The following CRYBG1 variants were observed in gnomAD, a reference collection of about 807,000 sequenced individuals.
The protein encoded by CRYBG1 is crystallin beta-gamma domain containing 1.
A neutral mutation model predicts 189.2 loss-of-function variants in CRYBG1; 139 were observed. That is an observed-to-expected ratio of 0.73 (90% CI 0.64 to 0.85). The LOEUF is 0.85. Among genes scored for constraint, CRYBG1 ranks in the 40% least tolerant of loss-of-function variants. CRYBG1 has a pLI of 0.00. For missense variants in CRYBG1, 2,611 were observed against 2,675.8 expected (o/e 0.98, Z 0.53); for synonymous variants, 1,023 against 1,017.1 (o/e 1.01, Z -0.11).
intron 1 of CRYBG1, among the ~76,000 whole-genome samples, chr6:106,393,531 A>G (rs187400706): frequency 5.9e-5 from 9 of 152,256 alleles, no homozygotes; most frequent in Admixed American, 1.3e-4. Flanking sequence ...CAGGGATTGG[A>G]TGGTGCACAG....
At chr6:106,395,023 GTA>G (rs374946382) in intron 1 of CRYBG1, among the ~76,000 whole-genome samples, 4 of 150,434 alleles carry the variant, frequency 2.7e-5, no homozygotes, top group Admixed American at 6.6e-5. Context: ...ACCTGGAAAT[GTA>G]TATATATATA....
At chr6:106,440,414 A>G (rs1250672309) in intron 1 of CRYBG1, among the ~76,000 whole-genome samples, 2 of 151,298 alleles carry the variant, frequency 1.3e-5, no homozygotes, top group Non-Finnish European at 2.9e-5. Flanking sequence ...GTAGGCGCAC[A>G]CCACCATGCC....
intron 1 of CRYBG1, among the ~76,000 whole-genome samples, chr6:106,388,874 A>G (rs2114332835): frequency 6.6e-6 from 1 of 152,312 alleles, no homozygotes; most frequent in African/African-American, 2.4e-5. Flanking sequence ...GCTTTTTACA[A>G]TATTATTTAC....
intron 2 of CRYBG1, among the ~76,000 whole-genome samples, chr6:106,491,967 G>A (rs1386789543): frequency 6.6e-6 from 1 of 152,068 alleles, no homozygotes; most frequent in African/African-American, 2.4e-5. Context: ...CCCTGTGCCT[G>A]GTGTCATTTG....
chr6:106,407,987 C>T (rs1488794160), intron 1 of CRYBG1, among the ~76,000 whole-genome samples: 3 of 151,902 alleles, frequency 2.0e-5, no homozygotes, highest in Non-Finnish European at 4.4e-5. Context: ...GGCAAATAAA[C>T]TCAAAAGCTA....
chr6:106,418,179 G>A (rs1582751344), intron 1 of CRYBG1, among the ~76,000 whole-genome samples: 1 of 152,242 alleles, frequency 6.6e-6, no homozygotes, highest in South Asian at 2.1e-4. Context: ...CTTGAAGACA[G>A]GAAAGTCCCC....
chr6:106,436,614 A>G (rs1186363254), intron 1 of CRYBG1, among the ~76,000 whole-genome samples: 2 of 152,080 alleles, frequency 1.3e-5, no homozygotes, highest in African/African-American at 2.4e-5. Flanking sequence ...CTACTTTTCT[A>G]CTTACCATTA....
intron 1 of CRYBG1, among the ~76,000 whole-genome samples, chr6:106,448,128 C>T (rs1174258636): frequency 3.3e-5 from 5 of 152,142 alleles, no homozygotes; most frequent in Non-Finnish European, 7.4e-5. Flanking sequence ...GTTCTGTTTG[C>T]GAAGCCCACT....
At position 106,556,006 on chromosome 6, in the gene CRYBG1, T is replaced by C. The variant is rs529552729; in HGVS notation, c.5715+109T>C. 79 of 1,251,336 alleles carry C rather than the reference T, an allele frequency of 6.3e-5. No homozygotes were observed. The African/African-American group carries it at 1.1e-3, about 17-fold the overall frequency. 77.5% of individuals were successfully genotyped at this position (1,251,336 alleles called of 1,614,324 possible). ...CCTGCTCTTAAAGTTAGTTAAGGGCTTGGAGATGGAACTGTCCATTTGGCT... is the reference window on the plus strand; with the variant it reads ...CCTGCTCTTAAAGTTAGTTAAGGGCCTGGAGATGGAACTGTCCATTTGGCT... On this transcript the variant is annotated intron_variant, in intron 17 of 21. Transcript: ENST00000633556.
chr6:106,540,909 TTC>T (rs1255772009), intron 9 of CRYBG1, among the ~76,000 whole-genome samples: 1 of 152,192 alleles, frequency 6.6e-6, no homozygotes, highest in Non-Finnish European at 1.5e-5. Context: ...GTAATACCAT[TTC>T]TCTGATTTTA....
intron 1 of CRYBG1, among the ~76,000 whole-genome samples, chr6:106,374,943 CTG>C (rs1410022418): frequency 6.6e-6 from 1 of 151,988 alleles, no homozygotes; most frequent in Non-Finnish European, 1.5e-5. Flanking sequence ...CCTGAAAGTT[CTG>C]TGTTATTTTC....
rs557219070 is a variant in CRYBG1 at position 106,435,910 on chromosome 6, G to GA, written c.174-15778dup. ...AAATCGTGTCTTGGAAACCATCCAAGAAAAAATTAGTGAAGTATTCCAAGA... is the reference window on the plus strand; with the variant it reads ...AAATCGTGTCTTGGAAACCATCCAAGAAAAAAATTAGTGAAGTATTCCAAGA... On this transcript the variant is annotated intron_variant, in intron 1 of 21. Transcript: ENST00000633556. 5.0e-4 allele frequency among the ~76,000 whole-genome samples: 76 copies of GA among 152,176 alleles called. 1 individual carries two copies. The South Asian group carries it at 0.016, about 32-fold the overall frequency.
intron 21 of CRYBG1, among the ~76,000 whole-genome samples, chr6:106,565,038 A>G (rs1394410977): frequency 6.6e-6 from 1 of 152,112 alleles, no homozygotes; most frequent in Admixed American, 6.5e-5. Flanking sequence ...AGGGGTAAAG[A>G]GCCAGGTGCC....
intron 2 of CRYBG1, among the ~76,000 whole-genome samples, chr6:106,474,304 C>T (rs570697719): frequency 3.3e-5 from 5 of 152,232 alleles, no homozygotes; most frequent in Non-Finnish European, 7.4e-5. Flanking sequence ...TGATCATGTG[C>T]TTACACCTCA....
chr6:106,521,206 A>G lies in CRYBG1; in HGVS notation c.3998A>G (p.Tyr1333Cys), dbSNP rs1477459614. 1 of 1,614,228 alleles carries G rather than the reference A, an allele frequency of 6.2e-7. No homozygotes were observed. Among genetic ancestry groups the G allele is most frequent in the East Asian group, 2.2e-5 (1 of 44,896 alleles). The change falls in exon 4 of 22, where the codon TAC becomes TGC. Residue 1333 changes from tyrosine to cysteine, a missense_variant. Tyr to Cys is a radical substitution (Grantham distance 194). Coordinates refer to ENST00000633556, the MANE Select transcript of CRYBG1 (RefSeq NM_001371242.2). Reference sequence around the variant, plus strand: ...AAAAGTCCAAGCCACATGGAAAAATACCCGCAAAAAGAGAAAACCAAAGAA... The same window carrying G: ...AAAAGTCCAAGCCACATGGAAAAATGCCCGCAAAAAGAGAAAACCAAAGAA... ...SLKSPSHMEK[Y>C]PQKEKTKEDL... is the part of the protein sequence containing the mutation.
At chr6:106,458,954 G>A (rs1445402225) in intron 2 of CRYBG1, among the ~76,000 whole-genome samples, 1 of 152,192 alleles carries the variant, frequency 6.6e-6, no homozygotes, top group Non-Finnish European at 1.5e-5. Flanking sequence ...CAGGCTGGAG[G>A]ACGTTGCTTT....
intron 20 of CRYBG1, among the ~76,000 whole-genome samples, chr6:106,562,116 AC>A (rs1189598300): frequency 2.0e-5 from 3 of 151,526 alleles, no homozygotes; most frequent in Non-Finnish European, 4.4e-5. Flanking sequence ...CTTTAAAAAA[AC>A]AAAACAAAAC....
At chr6:106,386,102 C>G (rs571581530) in intron 1 of CRYBG1, among the ~76,000 whole-genome samples, 12 of 152,326 alleles carry the variant, frequency 7.9e-5, no homozygotes, top group Admixed American at 4.6e-4. Context: ...TAGCCAGTCA[C>G]AACATATTAT....
Position 106,430,621 on chromosome 6 carries a change from C to T in CRYBG1, c.174-21073C>T, listed in dbSNP as rs143900809. On this transcript the variant is annotated intron_variant, in intron 1 of 21. Coordinates refer to ENST00000633556, the MANE Select transcript of CRYBG1 (RefSeq NM_001371242.2). ...ATGCCTGATGCGTCAGCTAGGGTGG[C>T]TTGAATAGTGGCAGCTGGCTGAGCC... Among the ~76,000 whole-genome samples the T allele has an allele frequency of 1.1e-3, 163 of 152,080 alleles. 1 individual carries two copies. Among genetic ancestry groups the T allele is most frequent in the African/African-American group, 3.5e-3 (147 of 41,486 alleles).
Sources: allele counts gnomAD v4.1 joint callset (sites outside exome capture counted in the v4.1 genomes callset), GRCh38; gene constraint gnomAD v4.1.1; transcripts MANE v1.5; gene names NCBI Gene and HGNC (gene_info 2026-07-23, HGNC 2026-07-21).